Variants in CEP126 observed in about 807,000 individuals in gnomAD.
CEP126 encodes the protein centrosomal protein 126.
Under a neutral mutation model 107.8 loss-of-function variants are expected in CEP126, and 74 were observed. That is an observed-to-expected ratio of 0.69 (90% CI 0.57 to 0.83). The LOEUF (loss-of-function observed/expected upper bound fraction) is 0.83, where lower values mean the gene tolerates loss of function less well. CEP126 is among the 40% of genes least tolerant of loss of function. CEP126 has a pLI of 0.00. For synonymous variants in CEP126, 449 were observed against 446.0 expected (o/e 1.01, Z -0.08); for missense variants, 1,237 against 1,281.9 (o/e 0.96, Z 0.53).
chr11:101,985,988 ATTTCTTT>A (rs1756877095), intron 8 of CEP126, among the ~76,000 whole-genome samples: 2 of 126,480 alleles, frequency 1.6e-5, no homozygotes, highest in African/African-American at 3.0e-5. Flanking sequence ...CTCTGAATTG[ATTTCTTT>A]TTTTTTTTTT....
intron 6 of CEP126, among the ~76,000 whole-genome samples, chr11:101,969,019 G>GTTTTA (rs796156601): frequency 1.2e-4 from 18 of 151,952 alleles, no homozygotes; most frequent in African/African-American, 2.9e-4. Flanking sequence ...GACTTATTTT[G>GTTTTA]TTTTATTTTA....
At chr11:101,980,925 A>G (rs532342879) in intron 7 of CEP126, among the ~76,000 whole-genome samples, 4 of 152,360 alleles carry the variant, frequency 2.6e-5, no homozygotes, top group Admixed American at 2.6e-4. Flanking sequence ...TCCTCAGATC[A>G]GATTGAAGAA....
intron 3 of CEP126, among the ~76,000 whole-genome samples, chr11:101,944,927 A>G: frequency 6.6e-6 from 1 of 152,208 alleles, no homozygotes; most frequent in Non-Finnish European, 1.5e-5. Flanking sequence ...TAGTAAGACA[A>G]TTAACAATAT....
chr11:101,961,793 T>C lies in CEP126; in HGVS notation c.758T>C (p.Ile253Thr), dbSNP rs1158507748. ...ACCAATTCTGAAACCCTCTCAAGTA[T>C]AGACAGTCTTGAGGCTACAGAGCAT... ...QITNSETLSS[I>T]DSLEATEHEE... The change falls in exon 6 of 11, where the codon ATA (isoleucine) becomes ACA (threonine). Residue 253 changes from isoleucine (I) to threonine (T), a missense_variant. Transcript: ENST00000263468. 5.0e-6 allele frequency: 8 copies of C among 1,592,514 alleles called. No individual in the cohort carries two copies. Among genetic ancestry groups the C allele is most frequent in the African/African-American group, 1.4e-5 (1 of 73,964 alleles).
intron 6 of CEP126, among the ~76,000 whole-genome samples, chr11:101,972,528 C>T (rs537119571): frequency 3.3e-5 from 5 of 152,010 alleles, no homozygotes; most frequent in Admixed American, 1.3e-4. Context: ...TTAAGCCCAG[C>T]GTGGTGGCTC....
Position 101,923,234 on chromosome 11 carries a change from AAT to A in CEP126, c.248+477_248+478del, listed in dbSNP as rs1940359465. On this transcript the variant is annotated intron_variant, in intron 2 of 10. Transcript: ENST00000263468. ...TGAATAATGGTATAAAAATTGGAAA[AAT>A]ATGAATAATGGTAGCAATATGAATA... Among the ~76,000 whole-genome samples the A allele has an allele frequency of 2.0e-5, 3 of 152,192 alleles. No homozygotes were observed. In the South Asian group the frequency reaches 6.2e-4, roughly 32 times the overall value.
chr11:101,981,729 A>G (rs1941257066), intron 7 of CEP126, among the ~76,000 whole-genome samples, 160 bp from the exon 8 acceptor site: 1 of 152,192 alleles, frequency 6.6e-6, no homozygotes, highest in Non-Finnish European at 1.5e-5. Flanking sequence ...CTTTATTATA[A>G]TAATTCTTGT....
chr11:101,974,455 A>G (rs1380114133), intron 6 of CEP126, among the ~76,000 whole-genome samples: 2 of 152,174 alleles, frequency 1.3e-5, no homozygotes, highest in African/African-American at 4.8e-5. Flanking sequence ...AAAATTGCAG[A>G]GAGGTTTTCA....
At chr11:101,930,598 G>C (rs1940484060) in intron 2 of CEP126, among the ~76,000 whole-genome samples, 2 of 152,126 alleles carry the variant, frequency 1.3e-5, no homozygotes, top group Non-Finnish European at 2.9e-5. Context: ...GCCCCTGCTG[G>C]CTCTGGTGGC....
intron 3 of CEP126, among the ~76,000 whole-genome samples, chr11:101,946,511 A>T (rs946635631): frequency 2.6e-5 from 4 of 152,054 alleles, no homozygotes; most frequent in Admixed American, 1.3e-4. Flanking sequence ...TTATCTCAAA[A>T]AAATAAATAA....
At chr11:101,926,751 C>T (rs1940417867) in intron 2 of CEP126, among the ~76,000 whole-genome samples, 1 of 152,154 alleles carries the variant, frequency 6.6e-6, no homozygotes, top group Non-Finnish European at 1.5e-5. Context: ...TTTATTTTCA[C>T]ATTTTAACAT....
At chr11:101,939,199 G>T (rs1940633221) in intron 2 of CEP126, among the ~76,000 whole-genome samples, 1 of 152,074 alleles carries the variant, frequency 6.6e-6, no homozygotes, top group East Asian at 1.9e-4. Context: ...TAGGATTGTG[G>T]ATTTGTCCAT....
intron 4 of CEP126, among the ~76,000 whole-genome samples, chr11:101,951,509 C>T (rs966007575): frequency 2.0e-5 from 3 of 150,688 alleles, no homozygotes; most frequent in Non-Finnish European, 4.4e-5. Flanking sequence ...GAAATCCTGT[C>T]TCAAAAGAAA....
intron 10 of CEP126, among the ~76,000 whole-genome samples, chr11:101,997,374 T>C (rs1215212085): frequency 6.6e-6 from 1 of 152,218 alleles, no homozygotes; most frequent in Non-Finnish European, 1.5e-5. Flanking sequence ...AAACTGCACA[T>C]TTTCAAAGTG....
At chr11:101,921,777 CTTTTTTTTTTTT>C (rs747642967) in intron 1 of CEP126, among the ~76,000 whole-genome samples, 1 of 55,016 alleles carries the variant, frequency 1.8e-5, no homozygotes, top group Non-Finnish European at 3.3e-5. Context: ...TTCATGATTT[CTTTTTTTTTTTT>C]TTTTTTTTTT....
intron 5 of CEP126, among the ~76,000 whole-genome samples, chr11:101,959,621 ATT>A: frequency 6.6e-6 from 1 of 152,250 alleles, no homozygotes; most frequent in East Asian, 1.9e-4. Flanking sequence ...AGATGATGGA[ATT>A]AACCAACAAG....
intron 8 of CEP126, among the ~76,000 whole-genome samples, chr11:101,985,470 A>G (rs1941306160): frequency 6.6e-6 from 1 of 151,994 alleles, no homozygotes. Context: ...TTTAGTTGAG[A>G]TGAGGCTTCA....
intron 3 of CEP126, among the ~76,000 whole-genome samples, chr11:101,945,576 G>A (rs68066934): frequency 0.09 from 13,714 of 152,152 alleles, 1,182 homozygotes; most frequent in East Asian, 0.49. Context: ...CATGATAACA[G>A]TTTATTTTTC....
At chr11:101,992,233 T>C (rs1055080727) in intron 9 of CEP126, among the ~76,000 whole-genome samples, 2 of 152,078 alleles carry the variant, frequency 1.3e-5, no homozygotes, top group East Asian at 3.8e-4. Context: ...AGGTAAAGAA[T>C]AAAAAAATTA....
Sources: allele counts gnomAD v4.1 joint callset (sites outside exome capture counted in the v4.1 genomes callset), GRCh38; gene constraint gnomAD v4.1.1; transcripts MANE v1.5; gene names NCBI Gene and HGNC (gene_info 2026-07-23, HGNC 2026-07-21).